The following IMPG2 variants were observed in gnomAD, a reference collection of about 807,000 sequenced individuals.
IMPG2 encodes interphotoreceptor matrix proteoglycan 2.
Under a neutral mutation model 129.2 loss-of-function variants are expected in IMPG2, and 91 were observed. The observed-to-expected ratio is 0.70, with a 90% CI of 0.59 to 0.84. IMPG2 has a LOEUF of 0.84. IMPG2 is among the 40% of genes least tolerant of loss of function. The probability of loss-of-function intolerance (pLI) is 0.00; values close to 1 mark genes in which losing one functional copy is unlikely to be tolerated. For synonymous variants in IMPG2, 510 were observed against 517.7 expected, an observed-to-expected ratio of 0.99 and a Z score of 0.20; for missense variants, 1,430 against 1,461.7, an observed-to-expected ratio of 0.98 and a Z score of 0.35.
chr3:101,311,447 A>G (rs887914760), intron 2 of IMPG2, among the ~76,000 whole-genome samples: 5 of 152,200 alleles, frequency 3.3e-5, no homozygotes, highest in African/African-American at 1.2e-4. Flanking sequence ...AAAAATGAAC[A>G]TAAGAAAACA....
At chr3:101,245,059 C>T (rs567335823) in intron 12 of IMPG2, among the ~76,000 whole-genome samples, 11 of 151,350 alleles carry the variant, frequency 7.3e-5, no homozygotes, top group African/African-American at 9.7e-5. Context: ...TTTAATTCCA[C>T]GAAAATAAAG....
intron 3 of IMPG2, among the ~76,000 whole-genome samples, chr3:101,302,779 C>T (rs1471876019): frequency 4.6e-5 from 7 of 152,072 alleles, no homozygotes; most frequent in African/African-American, 7.2e-5. Flanking sequence ...ACATGCAATA[C>T]GTTTCATTAA....
intron 18 of IMPG2, among the ~76,000 whole-genome samples, chr3:101,227,338 T>A (rs1706235734): frequency 6.6e-6 from 1 of 152,228 alleles, no homozygotes; most frequent in African/African-American, 2.4e-5. Flanking sequence ...CTGTGTATAC[T>A]TTCTTTTGTC....
intron 3 of IMPG2, among the ~76,000 whole-genome samples, chr3:101,298,896 G>T (rs1238995308): frequency 6.6e-6 from 1 of 152,098 alleles, no homozygotes; most frequent in African/African-American, 2.4e-5. Flanking sequence ...ATCTTCTCAT[G>T]CAGTATCTTA....
chr3:101,276,590 TG>T (rs1477336618), intron 5 of IMPG2, 73 bp downstream of exon 5: 1 of 991,534 alleles, frequency 1.0e-6, no homozygotes, highest in Non-Finnish European at 1.6e-6. Context: ...CTGCAAAAAA[TG>T]TACTTGTTTG....
At position 101,232,987 on chromosome 3, in the gene IMPG2, A is replaced by G; in HGVS notation, c.3027T>C (p.Asp1009=). The G allele has an allele frequency of 6.2e-7, 1 of 1,614,070 alleles. No homozygotes were observed. Among genetic ancestry groups the G allele is most frequent in the Non-Finnish European group, 8.5e-7 (1 of 1,179,960 alleles). Residue 1009 remains aspartate, a synonymous_variant, in exon 15 of 19, where the codon GAT becomes GAC. Coordinates refer to ENST00000193391, the MANE Select transcript of IMPG2 (RefSeq NM_016247.4). The part of the protein sequence containing the change: ...DKYSLDVESG[D]EANPCKFQAC... ...CCTGAAACTTGCAAGGGTTGGCTTC[A>G]TCACCTAAAACATTAAACAAAGAAT...
At chr3:101,255,696 A>T (rs1445404157) in intron 10 of IMPG2, among the ~76,000 whole-genome samples, 1 of 152,088 alleles carries the variant, frequency 6.6e-6, no homozygotes, top group African/African-American at 2.4e-5. Context: ...GCTAATCTCT[A>T]TTAGCATTGC....
intron 11 of IMPG2, among the ~76,000 whole-genome samples, chr3:101,251,340 G>A (rs550087557): frequency 6.6e-6 from 1 of 152,268 alleles, no homozygotes; most frequent in African/African-American, 2.4e-5. Flanking sequence ...AAATGTGAAA[G>A]TAAACAACTT....
chr3:101,309,665 G>T (rs999504676), intron 2 of IMPG2, among the ~76,000 whole-genome samples: 1 of 152,018 alleles, frequency 6.6e-6, no homozygotes, highest in Non-Finnish European at 1.5e-5. Context: ...TGAAATTTTG[G>T]GTGGGGACAC....
intron 2 of IMPG2, among the ~76,000 whole-genome samples, chr3:101,312,725 C>T (rs1158963420): frequency 6.6e-6 from 1 of 151,984 alleles, no homozygotes; most frequent in Non-Finnish European, 1.5e-5. Context: ...TGTGATCTAT[C>T]CATACACTAA....
At chr3:101,300,439 C>A (rs1042273485) in intron 3 of IMPG2, among the ~76,000 whole-genome samples, 1 of 152,254 alleles carries the variant, frequency 6.6e-6, no homozygotes, top group African/African-American at 2.4e-5. Context: ...CCGCGGGGAG[C>A]TCCGCAGGCT....
chr3:101,234,446 G>C (rs1203814212), intron 14 of IMPG2, among the ~76,000 whole-genome samples: 1 of 152,060 alleles, frequency 6.6e-6, no homozygotes, highest in Non-Finnish European at 1.5e-5. Flanking sequence ...AACTGTGGGA[G>C]AATAAATTCC....
intron 9 of IMPG2, among the ~76,000 whole-genome samples, chr3:101,266,815 C>T (rs543871046): frequency 1.3e-5 from 2 of 152,236 alleles, no homozygotes; most frequent in Admixed American, 6.5e-5. Flanking sequence ...CTTTTTTAAT[C>T]CCCTCTTCCC....
chr3:101,277,308 A>G (rs1010796966), intron 4 of IMPG2, among the ~76,000 whole-genome samples: 3 of 152,210 alleles, frequency 2.0e-5, no homozygotes, highest in Admixed American at 6.5e-5. Context: ...TGTATTTTCC[A>G]GTGCCTAAAA....
chr3:101,239,517 A>G (rs1706383201), intron 14 of IMPG2, among the ~76,000 whole-genome samples: 1 of 152,214 alleles, frequency 6.6e-6, no homozygotes, highest in African/African-American at 2.4e-5. Flanking sequence ...ATTGTGGAAG[A>G]CAGTGTGGTG....
chr3:101,264,400 T>C (rs980379619), intron 9 of IMPG2, among the ~76,000 whole-genome samples: 1 of 152,014 alleles, frequency 6.6e-6, no homozygotes. Context: ...GTTCAACATA[T>C]GCAAATCAAT....
Position 101,242,905 on chromosome 3 carries a change from C to G in IMPG2, c.2805G>C (p.Leu935=), listed in dbSNP as rs765946370. 1 of 1,612,576 alleles carries G rather than the reference C, an allele frequency of 6.2e-7. No individual in the cohort carries two copies. The highest frequency in any genetic ancestry group is 8.5e-7 in the Non-Finnish European group (1 of 1,178,690). ...TGAGATTTGACTGGAGATAGGGAAC[C>G]AGCTACAATATACAAAAGTGGTAAG... ...KALEQRFLEL[L]VPYLQSNLTG... The change falls in exon 14 of 19, where the codon CTG becomes CTC. Residue 935 remains leucine (L), a splice_region_variant and synonymous_variant. Transcript: ENST00000193391.
At chr3:101,246,827 G>C (rs1409241320) in intron 11 of IMPG2, among the ~76,000 whole-genome samples, 5 of 152,182 alleles carry the variant, frequency 3.3e-5, no homozygotes, top group African/African-American at 7.2e-5. Context: ...TGATCAGCCA[G>C]GCACAGTGGC....
chr3:101,314,826 T>C (rs1286102727), intron 2 of IMPG2, among the ~76,000 whole-genome samples: 1 of 152,130 alleles, frequency 6.6e-6, no homozygotes, highest in Non-Finnish European at 1.5e-5. Context: ...ATCATGTTCA[T>C]AGATCAGAAG....
Sources: gnomAD v4.1 joint callset for allele counts (sites outside exome capture counted in the v4.1 genomes callset) on GRCh38, gnomAD v4.1.1 for gene constraint, MANE v1.5 for transcripts, NCBI Gene and HGNC (gene_info 2026-07-23, HGNC 2026-07-21) for gene names.